Variants in DCD observed in about 807,000 individuals in gnomAD.
DCD encodes the protein diffusible survival/evasion peptide.
In DCD, 17 loss-of-function variants were observed where a neutral mutation model predicts 14.5. The ratio of observed to expected loss-of-function variants is 1.18; its 90% CI spans 0.81 to 1.76. The LOEUF (loss-of-function observed/expected upper bound fraction) is 1.76, where lower values mean the gene tolerates loss of function less well. Ranked by LOEUF, DCD falls within the 40% of genes most tolerant of loss-of-function variation. The pLI, the probability that DCD is intolerant of heterozygous loss-of-function variation, is 0.00. For missense variants in DCD, 139 were observed against 133.4 expected (o/e 1.04, Z -0.21); for synonymous variants, 64 against 54.0 (o/e 1.19, Z -0.82).
Position 54,648,325 on chromosome 12 carries a change from T to C in DCD, c.-22A>G, listed in dbSNP as rs1958278751. ...TCATGCTTCTGTGTGCTGGAGTGGG[T>C]ATGCCACCAAATCCTTGGAGATCTT... is the stretch of plus-strand genomic sequence containing the variant. On this transcript the variant is annotated 5_prime_UTR_variant, in exon 1 of 5. In the 5' UTR this introduces an upstream ATG that the reference lacks. Coordinates refer to ENST00000293371, the MANE Select transcript of DCD (RefSeq NM_053283.4). 1 of 1,613,578 alleles carries C rather than the reference T, an allele frequency of 6.2e-7. No homozygotes were observed. Among genetic ancestry groups the C allele is most frequent in the Non-Finnish European group, 8.5e-7 (1 of 1,179,842 alleles).
At chr12:54,646,296 T>C (rs922472444) in intron 2 of DCD, 68 of 378,014 alleles carry the variant, frequency 1.8e-4, no homozygotes, top group African/African-American at 1.4e-3. Context: ...GGGCTCGCAG[T>C]GCAGTGAAGA....
At chr12:54,645,327 T>TG in intron 3 of DCD, 65 bp from the exon 4 acceptor site, 1 of 1,480,654 alleles carries the variant, frequency 6.8e-7, no homozygotes, top group Non-Finnish European at 9.4e-7. Flanking sequence ...GTAGGAGAGC[T>TG]CCCCCGCTTC....
chr12:54,647,033 C>G, intron 2 of DCD, 88 bp downstream of exon 2: 2 of 1,405,626 alleles, frequency 1.4e-6, no homozygotes, highest in African/African-American at 1.4e-5. Context: ...CCGGACCCCC[C>G]TTCTGCTTCT....
rs1364043592 is a variant in DCD, at chr12:54,645,624, G to A, written c.181C>T (p.Gln61Ter). 6.2e-7 allele frequency: 1 copy of A among 1,614,082 alleles called. No homozygotes were observed. Among genetic ancestry groups the A allele is most frequent in the Middle Eastern group, 1.7e-4 (1 of 6,060 alleles). ...GGCTTACCCAGAAGGCTGGATCTCT[G>A]CTTCCTTGGCTTTGGTGCCTGTCTG... ...LARQAPKPRK[Q>*]RSSLLEKGLD... Residue 61 changes from glutamine to a stop codon, truncating the protein, a stop_gained, in exon 3 of 5, where the codon CAG becomes TAG. Transcript: ENST00000293371. LOFTEE classifies it high-confidence loss of function.
Position 54,644,937 on chromosome 12 carries a change from C to T in DCD, c.290-181G>A, listed in dbSNP as rs1049591734. 4 of 1,549,248 alleles carry T rather than the reference C, an allele frequency of 2.6e-6. No homozygotes were observed. In the African/African-American group the frequency reaches 5.5e-5, roughly 21 times the overall value. On this transcript the variant is annotated intron_variant, in intron 4 of 4. Transcript: ENST00000293371. ...TCACAGGAGCCCCAAAGACCAACCTCTCTTCCCCACCTTGGCAGGGGCAGG... is the reference window on the plus strand; with the variant it reads ...TCACAGGAGCCCCAAAGACCAACCTTTCTTCCCCACCTTGGCAGGGGCAGG...
Position 54,645,233 on chromosome 12 carries a change from C to T in DCD, c.229G>A (p.Val77Met). 1 of 1,614,132 alleles carries T rather than the reference C, an allele frequency of 6.2e-7. No individual in the cohort carries two copies. Among genetic ancestry groups the T allele is most frequent in the East Asian group, 2.2e-5 (1 of 44,874 alleles). The change falls in exon 4 of 5, where the codon GTG becomes ATG. Residue 77 changes from valine to methionine, a missense_variant. Coordinates refer to ENST00000293371, the MANE Select transcript of DCD (RefSeq NM_053283.4). ...EKGLDGAKKAVGGLGKLGKDA... is the reference protein window; with the variant it reads ...EKGLDGAKKAMGGLGKLGKDA... ...TTTCCTAGTTTTCCGAGTCCCCCCA[C>T]AGCTTTTTTTGCTCCGTCTAGGCCT...
At chr12:54,645,538 C>T in intron 3 of DCD, 68 bp downstream of exon 3, 2 of 1,417,796 alleles carry the variant, frequency 1.4e-6, no homozygotes, top group Non-Finnish European at 2.0e-6. Flanking sequence ...TGAGGGCAGA[C>T]TGGCCCCCAG....
Position 54,644,730 on chromosome 12 carries a change from G to T in DCD, c.316C>A (p.Leu106Ile), listed in dbSNP as rs1439694409. The T allele has an allele frequency of 6.2e-7, 1 of 1,608,498 alleles. No homozygotes were observed. ...CCTTACAGCTATAGTACTGAGTCAAGGACGTCTTTAACGTCATGGACGGCT... is the reference window on the plus strand; with the variant it reads ...CCTTACAGCTATAGTACTGAGTCAATGACGTCTTTAACGTCATGGACGGCT... ...KGAVHDVKDV[L>I]DSVL The change falls in exon 5 of 5, where the codon CTT (leucine) becomes ATT (isoleucine). Residue 106 changes from leucine (L) to isoleucine (I), a missense_variant. Physicochemically the swap from Leu to Ile is conservative, Grantham distance 5. Coordinates refer to ENST00000293371, the MANE Select transcript of DCD (RefSeq NM_053283.4).
chr12:54,645,678 C>A lies in DCD; in HGVS notation c.127G>T (p.Glu43Ter). ...AACCCTGGGTCTTCACCTGCATTTTCCTTTTGAGCTGCTGATGCTTCATGG... is the reference window on the plus strand; with the variant it reads ...AACCCTGGGTCTTCACCTGCATTTTACTTTTGAGCTGCTGATGCTTCATGG... ...PCHEASAAQK[E>*]NAGEDPGLAR... Residue 43 changes from glutamate (E) to a stop codon, truncating the protein, a stop_gained, in exon 3 of 5, where the codon GAA becomes TAA. Coordinates refer to ENST00000293371, the MANE Select transcript of DCD (RefSeq NM_053283.4). LOFTEE classifies it high-confidence loss of function. 6.2e-7 allele frequency: 1 copy of A among 1,614,142 alleles called. No homozygotes were observed. The highest frequency in any genetic ancestry group is 1.1e-5 in the South Asian group (1 of 91,076).
rs190330994 is a variant in DCD, at chr12:54,648,109, C to T, written c.58+137G>A. 485 of 916,256 alleles carry T rather than the reference C, an allele frequency of 5.3e-4. 1 individual carries two copies. The African/African-American group carries it at 6.9e-3, about 13-fold the overall frequency. 56.8% of individuals were successfully genotyped at this position (916,256 alleles called of 1,614,324 possible). A position where few individuals can be genotyped will look rare whatever the true frequency, so the allele number is the denominator to read the frequency against. ...GACCATAGAGTCCCTGTGTGGAGAA[C>T]CTAGTGGGAGGCAGGAGTGGGCTAC... On this transcript the variant is annotated intron_variant, in intron 1 of 4. Transcript: ENST00000293371.
intron 4 of DCD, 123 bp from the exon 5 acceptor site, chr12:54,644,879 C>T (rs2121285416): frequency 6.4e-7 from 1 of 1,550,868 alleles, no homozygotes; most frequent in South Asian, 1.2e-5. Context: ...CCTGGAGGTG[C>T]TTACACAGAA....
At position 54,644,635 on chromosome 12, in the gene DCD, T is replaced by TC. The variant is rs1362897388; in HGVS notation, c.*77_*78insG. ...AATAGCTGTTTTAAATTTTTTTTTTTTTTTTTTTTTTTAGGTTTTAGGCTG... is the reference window on the plus strand; with the variant it reads ...AATAGCTGTTTTAAATTTTTTTTTTTCTTTTTTTTTTTTAGGTTTTAGGCTG... On this transcript the variant is annotated 3_prime_UTR_variant, in exon 5 of 5. Coordinates refer to ENST00000293371, the MANE Select transcript of DCD (RefSeq NM_053283.4). 3 of 1,048,074 alleles carry TC rather than the reference T, an allele frequency of 2.9e-6. No homozygotes were observed. Among genetic ancestry groups the TC allele is most frequent in the Non-Finnish European group, 4.1e-6 (3 of 725,368 alleles). The allele number at this position is 1,048,074 out of a possible 1,614,324, so 64.9% of individuals were successfully genotyped here.
At chr12:54,647,503 G>A (rs1359675049) in intron 1 of DCD, among the ~76,000 whole-genome samples, 2 of 152,312 alleles carry the variant, frequency 1.3e-5, no homozygotes, top group African/African-American at 4.8e-5. Context: ...TCTAGTGACA[G>A]GGCAGGAGTT....
chr12:54,645,541 G>A, intron 3 of DCD, 65 bp downstream of exon 3: 1 of 1,425,534 alleles, frequency 7.0e-7, no homozygotes, highest in Non-Finnish European at 9.8e-7. Flanking sequence ...GGGCAGACTG[G>A]CCCCCAGATA....
chr12:54,644,916 A>G (rs1287407763), intron 4 of DCD, 160 bp from the exon 5 acceptor site: 4 of 1,550,148 alleles, frequency 2.6e-6, no homozygotes, highest in Non-Finnish European at 2.6e-6. Context: ...TTAGATTCAC[A>G]GGAGCCCCAA....
Position 54,648,310 on chromosome 12 carries a change from G to A in DCD, c.-7C>T, listed in dbSNP as rs1440646252. Reference sequence around the variant, plus strand: ...GGAGAGTCATGAACCTCATGCTTCTGTGTGCTGGAGTGGGTATGCCACCAA... The same window carrying A: ...GGAGAGTCATGAACCTCATGCTTCTATGTGCTGGAGTGGGTATGCCACCAA... On this transcript the variant is annotated 5_prime_UTR_variant, in exon 1 of 5. Transcript: ENST00000293371. 6.2e-7 allele frequency: 1 copy of A among 1,613,954 alleles called. No individual in the cohort carries two copies. Among genetic ancestry groups the A allele is most frequent in the Non-Finnish European group, 8.5e-7 (1 of 1,179,940 alleles).
rs1368055940 is a variant in DCD, at chr12:54,645,592, G to C, written c.199+14C>G. ...CATCAGAATTCTATACCAGGCATTG[G>C]GAAAGAGGCTTACCCAGAAGGCTGG... On this transcript the variant is annotated intron_variant, in intron 3 of 4. Coordinates refer to ENST00000293371, the MANE Select transcript of DCD (RefSeq NM_053283.4). 1.2e-6 allele frequency: 2 copies of C among 1,610,880 alleles called. No homozygotes were observed. The highest frequency in any genetic ancestry group is 1.7e-6 in the Non-Finnish European group (2 of 1,177,150).
chr12:54,645,152 G>A, intron 4 of DCD, 21 bp downstream of exon 4: 1 of 1,611,046 alleles, frequency 6.2e-7, no homozygotes, highest in Non-Finnish European at 8.5e-7. Flanking sequence ...TCCTGAGGGA[G>A]GAGTGGGGAC....
In DCD at chr12:54,644,685, G is replaced by A; in HGVS notation, c.*28C>T. On this transcript the variant is annotated 3_prime_UTR_variant, in exon 5 of 5. Transcript: ENST00000293371. ...GAAGACGTAAAGCCTGCTGCTCCTGGGTATCATTTCTCAGCTTCTCCTTAC... is the reference window on the plus strand; with the variant it reads ...GAAGACGTAAAGCCTGCTGCTCCTGAGTATCATTTCTCAGCTTCTCCTTAC... 6.6e-7 allele frequency: 1 copy of A among 1,503,800 alleles called. No homozygotes were observed. The highest frequency in any genetic ancestry group is 9.2e-7 in the Non-Finnish European group (1 of 1,085,428). 93.2% of individuals were successfully genotyped at this position (1,503,800 alleles called of 1,614,324 possible).
Sources: allele counts gnomAD v4.1 joint callset (sites outside exome capture counted in the v4.1 genomes callset), GRCh38; gene constraint gnomAD v4.1.1; transcripts MANE v1.5; gene names NCBI Gene and HGNC (gene_info 2026-07-23, HGNC 2026-07-21).